Variants in SMYD3 observed in about 807,000 individuals in gnomAD.
SMYD3 encodes the protein SET and MYND domain containing 3, also known as histone-lysine N-methyltransferase SMYD3.
Under a neutral mutation model 57.7 loss-of-function variants are expected in SMYD3, and 36 were observed. The observed-to-expected ratio is 0.62, with a 90% confidence interval of 0.48 to 0.82. The LOEUF is 0.82. SMYD3 is among the 40% of genes least tolerant of loss of function. The pLI, the probability that SMYD3 is intolerant of heterozygous loss-of-function variation, is 0.00. For synonymous variants in SMYD3, 211 were observed against 195.0 expected (o/e 1.08, Z -0.68); for missense variants, 515 against 538.8 (o/e 0.96, Z 0.44).
At chr1:246,006,463 T>C (rs2059171439) in intron 5 of SMYD3, among the ~76,000 whole-genome samples, 1 of 152,138 alleles carries the variant, frequency 6.6e-6, no homozygotes, top group Admixed American at 6.5e-5. Context: ...TCCTGGGTGA[T>C]AATGTGAGAA....
rs554970050 is a variant in SMYD3, at chr1:245,906,673, C to T, written c.813+8857G>A. ...CCCAAAACAAAGGAAATCAGCTTAT[C>T]GAAGAGGTATCTGCACTCCTATGTT... On this transcript the variant is annotated intron_variant, in intron 8 of 11. Transcript: ENST00000490107. Among the ~76,000 whole-genome samples the T allele has an allele frequency of 7.2e-5, 11 of 152,246 alleles. No individual in the cohort carries two copies. The East Asian group carries it at 1.2e-3, about 16-fold the overall frequency.
chr1:246,259,833 A>G lies in SMYD3; in HGVS notation c.531+67368T>C, dbSNP rs568758201. 2.6e-5 allele frequency among the ~76,000 whole-genome samples: 4 copies of G among 152,320 alleles called. No individual in the cohort carries two copies. The East Asian group carries it at 7.7e-4, about 29-fold the overall frequency. On this transcript the variant is annotated intron_variant, in intron 5 of 11. Coordinates refer to ENST00000490107, the MANE Select transcript of SMYD3 (RefSeq NM_001167740.2). The stretch of plus-strand genomic sequence containing the variant: ...GGGTGGCTACCAAGCACCCAGAGGT[A>G]TGCCTAGGCATGGAGCTCCTCAGTA...
At chr1:246,171,701 G>A (rs893840959) in intron 5 of SMYD3, among the ~76,000 whole-genome samples, 3 of 152,182 alleles carry the variant, frequency 2.0e-5, no homozygotes, top group Non-Finnish European at 4.4e-5. Context: ...TCTAAACATA[G>A]AAGAGGTACA....
At chr1:246,506,990 C>CCCGCCCGACG in intron 1 of SMYD3, 64 bp downstream of exon 1, 1 of 609,992 alleles carries the variant, frequency 1.6e-6, no homozygotes, top group South Asian at 2.7e-5. Flanking sequence ...CCGCCCGACG[C>CCCGCCCGACG]CCCCCCCTCC....
At chr1:246,462,744 C>T (rs542250100) in intron 1 of SMYD3, among the ~76,000 whole-genome samples, 22 of 152,180 alleles carry the variant, frequency 1.4e-4, no homozygotes, top group Non-Finnish European at 2.6e-4. Context: ...AGATAGCTCA[C>T]TCTATGAGCT....
intron 1 of SMYD3, among the ~76,000 whole-genome samples, chr1:246,429,196 G>C (rs2067264152): frequency 6.6e-6 from 1 of 151,788 alleles, no homozygotes; most frequent in Non-Finnish European, 1.5e-5. Context: ...CATGTAATGA[G>C]CTGGATTGGA....
At chr1:246,351,101 C>A (rs1572409418) in intron 2 of SMYD3, among the ~76,000 whole-genome samples, 1 of 152,176 alleles carries the variant, frequency 6.6e-6, no homozygotes, top group African/African-American at 2.4e-5. Context: ...TTCTACCCAT[C>A]GAATATGAAT....
intron 1 of SMYD3, among the ~76,000 whole-genome samples, chr1:246,443,741 T>C (rs946095636): frequency 1.3e-5 from 2 of 152,248 alleles, no homozygotes; most frequent in African/African-American, 4.8e-5. Flanking sequence ...ATGGCATGGA[T>C]ATAGTTTCCA....
In SMYD3 at chr1:245,955,317, G is replaced by A. The variant is rs141543534; in HGVS notation, c.532-25380C>T. Among the ~76,000 whole-genome samples the A allele has an allele frequency of 1.4e-3, 211 of 152,134 alleles. 2 individuals are homozygous for A. In the South Asian group the frequency reaches 0.028, roughly 20 times the overall value. On this transcript the variant is annotated intron_variant, in intron 5 of 11. Coordinates refer to ENST00000490107, the MANE Select transcript of SMYD3 (RefSeq NM_001167740.2). ...TCACCGCATTAGCCAGGATGGTCTC[G>A]ATCTCCTGCCTTGGCGTCCCAGAGT... is the stretch of plus-strand genomic sequence containing the variant.
chr1:246,457,195 A>T (rs1465962785), intron 1 of SMYD3, among the ~76,000 whole-genome samples: 2 of 152,136 alleles, frequency 1.3e-5, no homozygotes, highest in African/African-American at 4.8e-5. Flanking sequence ...ATCTTTCGAG[A>T]GGTGAATGTT....
At chr1:246,095,824 C>T (rs572185178) in intron 5 of SMYD3, among the ~76,000 whole-genome samples, 5 of 152,190 alleles carry the variant, frequency 3.3e-5, no homozygotes, top group African/African-American at 7.2e-5. Flanking sequence ...TGCAGGGATC[C>T]GTGATTATGT....
At chr1:246,279,965 A>C (rs1465769929) in intron 5 of SMYD3, among the ~76,000 whole-genome samples, 1 of 152,200 alleles carries the variant, frequency 6.6e-6, no homozygotes, top group South Asian at 2.1e-4. Context: ...TACTCGTAGT[A>C]AGTAAGATTA....
chr1:245,761,978 T>TTTCA (rs1044826522), intron 11 of SMYD3, among the ~76,000 whole-genome samples: 48 of 151,982 alleles, frequency 3.2e-4, no homozygotes, highest in African/African-American at 1.2e-3. Context: ...AGAGACGGGA[T>TTTCA]TTCACCATGT....
rs539696103 is a variant in SMYD3, at chr1:245,772,875, T to C, written c.1077-8726A>G. On this transcript the variant is annotated intron_variant, in intron 10 of 11. Coordinates refer to ENST00000490107, the MANE Select transcript of SMYD3 (RefSeq NM_001167740.2). ...AATTAGAATGAAGGAGATACAAGAT[T>C]TGGGCTGAAGACATGGCTCTTCCAG... 3.3e-5 allele frequency among the ~76,000 whole-genome samples: 5 copies of C among 152,016 alleles called. No homozygotes were observed. The East Asian group carries it at 5.8e-4, about 18-fold the overall frequency.
intron 5 of SMYD3, among the ~76,000 whole-genome samples, chr1:245,952,160 T>C (rs1217948122): frequency 6.6e-6 from 1 of 152,204 alleles, no homozygotes; most frequent in Non-Finnish European, 1.5e-5. Context: ...ATCTATCAAT[T>C]ATACCATGAT....
At chr1:245,924,345 A>C (rs987645900) in intron 7 of SMYD3, among the ~76,000 whole-genome samples, 1 of 152,202 alleles carries the variant, frequency 6.6e-6, no homozygotes, top group Non-Finnish European at 1.5e-5. Flanking sequence ...AAAAAGACCC[A>C]ATAACTCAGC....
chr1:246,456,766 T>C (rs1419352139), intron 1 of SMYD3, among the ~76,000 whole-genome samples: 1 of 152,120 alleles, frequency 6.6e-6, no homozygotes, highest in Non-Finnish European at 1.5e-5. Context: ...ATATCTATAA[T>C]CAGGTCTAAG....
chr1:246,357,903 A>T (rs868352745), intron 1 of SMYD3, among the ~76,000 whole-genome samples: 13 of 151,950 alleles, frequency 8.6e-5, no homozygotes, highest in African/African-American at 2.4e-4. Flanking sequence ...ATAACACAAT[A>T]AAAAAAACAC....
chr1:245,775,734 A>T (rs2046561735), intron 10 of SMYD3, among the ~76,000 whole-genome samples: 1 of 84,288 alleles, frequency 1.2e-5, no homozygotes, highest in South Asian at 4.1e-4. Context: ...AAAAAAATAA[A>T]AAAAATAAAT....
Sources: allele counts gnomAD v4.1 joint callset (sites outside exome capture counted in the v4.1 genomes callset), GRCh38; gene constraint gnomAD v4.1.1; transcripts MANE v1.5; gene names NCBI Gene and HGNC (gene_info 2026-07-23, HGNC 2026-07-21).